The following GRIN2A variants were observed in gnomAD, a reference collection of about 807,000 sequenced individuals.
GRIN2A encodes the protein glutamate ionotropic receptor NMDA type subunit 2A.
A neutral mutation model predicts 113.4 loss-of-function variants in GRIN2A; 22 were observed. That is an observed-to-expected ratio of 0.19 (90% confidence interval 0.14 to 0.28). GRIN2A has a LOEUF of 0.28. Among genes scored for constraint, GRIN2A ranks in the 10% least tolerant of loss-of-function variants. GRIN2A has a pLI of 1.00. For synonymous variants in GRIN2A, 827 were observed against 738.4 expected (o/e 1.12, Z -1.94); for missense variants, 1,502 against 1,887.0 (o/e 0.80, Z 3.78).
At chr16:9,995,239 G>C (rs1161766482) in intron 2 of GRIN2A, among the ~76,000 whole-genome samples, 5 of 152,170 alleles carry the variant, frequency 3.3e-5, no homozygotes, top group Non-Finnish European at 7.3e-5. Context: ...TTTGGAAAAG[G>C]GAAGAGGGAA....
At position 10,074,245 on chromosome 16, in the gene GRIN2A, G is replaced by A. The variant is rs1014178741; in HGVS notation, c.414+105753C>T. 4.6e-5 allele frequency among the ~76,000 whole-genome samples: 7 copies of A among 152,226 alleles called. No homozygotes were observed. The East Asian group carries it at 7.7e-4, about 17-fold the overall frequency. ...AAATAACAAATGTTGACCAGGATGT[G>A]GAGAAATAAGAAACCCCGTACACTG... On this transcript the variant is annotated intron_variant, in intron 2 of 12. Transcript: ENST00000330684.
intron 5 of GRIN2A, among the ~76,000 whole-genome samples, chr16:9,847,387 G>A (rs1005057015): frequency 6.6e-6 from 1 of 151,544 alleles, no homozygotes; most frequent in Admixed American, 6.6e-5. Context: ...CAAGACTCTT[G>A]TCTCTAAAAA....
At chr16:10,095,831 C>G (rs182465631) in intron 2 of GRIN2A, among the ~76,000 whole-genome samples, 1 of 152,114 alleles carries the variant, frequency 6.6e-6, no homozygotes, top group Admixed American at 6.5e-5. Flanking sequence ...TGATACAATG[C>G]ACCAAGAAGG....
At chr16:9,903,050 C>A (rs1455908021) in intron 3 of GRIN2A, among the ~76,000 whole-genome samples, 1 of 150,212 alleles carries the variant, frequency 6.7e-6, no homozygotes, top group Non-Finnish European at 1.5e-5. Flanking sequence ...CTCATTGCAA[C>A]CCCCACCTCC....
At chr16:9,896,392 A>T (rs1355817629) in intron 3 of GRIN2A, among the ~76,000 whole-genome samples, 1 of 152,182 alleles carries the variant, frequency 6.6e-6, no homozygotes, top group Admixed American at 6.5e-5. Context: ...TACGCAGTTG[A>T]GCACCTTTCT....
rs778230379 is a variant in GRIN2A at position 9,763,667 on chromosome 16, C to T, written c.3877G>A (p.Asp1293Asn). 2.5e-6 allele frequency: 4 copies of T among 1,613,644 alleles called. No homozygotes were observed. The South Asian group carries it at 3.3e-5, about 13-fold the overall frequency. Residue 1293 changes from aspartate (D) to asparagine (N), a missense_variant, in exon 13 of 13, where the codon GAT becomes AAT. Asp to Asn is a conservative substitution (Grantham distance 23). Coordinates refer to ENST00000330684, the MANE Select transcript of GRIN2A (RefSeq NM_001134407.3). Reference protein sequence around the residue: ...KLRISRQHSYDNIVDKPRELD... With the variant: ...KLRISRQHSYNNIVDKPRELD... ...TCCCTAGGTTTGTCGACAATGTTATCGTAGGAATGCTGACGGCTAATCCTT... is the reference window on the plus strand; with the variant it reads ...TCCCTAGGTTTGTCGACAATGTTATTGTAGGAATGCTGACGGCTAATCCTT...
At chr16:9,903,436 C>T (rs1019459793) in intron 3 of GRIN2A, among the ~76,000 whole-genome samples, 3 of 152,152 alleles carry the variant, frequency 2.0e-5, no homozygotes, top group Non-Finnish European at 4.4e-5. Context: ...TTGAGCACAG[C>T]ATGTTCACCA....
At chr16:9,925,337 G>A (rs1032462373) in intron 3 of GRIN2A, among the ~76,000 whole-genome samples, 7 of 152,126 alleles carry the variant, frequency 4.6e-5, no homozygotes, top group African/African-American at 1.7e-4. Context: ...CTCACTCCAC[G>A]TGAGTCCTGG....
chr16:10,151,114 C>T (rs760315806), intron 2 of GRIN2A, among the ~76,000 whole-genome samples: 4 of 152,178 alleles, frequency 2.6e-5, no homozygotes, highest in African/African-American at 4.8e-5. Context: ...TCAATGCCCT[C>T]GGGGAATGCT....
At chr16:10,111,942 G>C in intron 2 of GRIN2A, 1 of 736,978 alleles carries the variant, frequency 1.4e-6, no homozygotes. Context: ...AGCTGATGGT[G>C]GCTCCAGCAG....
At chr16:9,979,134 G>A (rs1292908179) in intron 2 of GRIN2A, among the ~76,000 whole-genome samples, 1 of 152,092 alleles carries the variant, frequency 6.6e-6, no homozygotes, top group Non-Finnish European at 1.5e-5. Flanking sequence ...ATTCTAACAG[G>A]TTTATTTTAT....
At chr16:9,806,962 T>C (rs747121726) in intron 10 of GRIN2A, among the ~76,000 whole-genome samples, 2 of 151,532 alleles carry the variant, frequency 1.3e-5, no homozygotes, top group Non-Finnish European at 2.9e-5. Context: ...AAGGTTCTTG[T>C]GGTAGTGAAT....
chr16:10,060,441 C>G (rs2047531876), intron 2 of GRIN2A, among the ~76,000 whole-genome samples: 1 of 152,196 alleles, frequency 6.6e-6, no homozygotes, highest in African/African-American at 2.4e-5. Context: ...ACTTAGGGTT[C>G]CTCCGCTAGC....
intron 2 of GRIN2A, among the ~76,000 whole-genome samples, chr16:9,942,653 A>C (rs1274855172): frequency 6.6e-6 from 1 of 152,162 alleles, no homozygotes; most frequent in Non-Finnish European, 1.5e-5. Context: ...AGGTCCACTG[A>C]CATGCTGGTT....
chr16:10,073,036 A>C (rs972486239), intron 2 of GRIN2A, among the ~76,000 whole-genome samples: 1 of 147,384 alleles, frequency 6.8e-6, no homozygotes, highest in Non-Finnish European at 1.5e-5. Context: ...GCTTACTGCA[A>C]CCTCCTCCTC....
intron 2 of GRIN2A, among the ~76,000 whole-genome samples, chr16:9,988,294 T>C (rs2046025102): frequency 6.6e-6 from 1 of 151,912 alleles, no homozygotes; most frequent in Admixed American, 6.6e-5. Flanking sequence ...CGTGTGTGTG[T>C]GTGTGTGTGT....
At chr16:9,929,829 C>T (rs1241212373) in intron 3 of GRIN2A, among the ~76,000 whole-genome samples, 2 of 152,180 alleles carry the variant, frequency 1.3e-5, no homozygotes, top group Non-Finnish European at 2.9e-5. Flanking sequence ...CTAAGACTTA[C>T]ATCTGGCCTA....
At chr16:9,897,631 T>C (rs1159566206) in intron 3 of GRIN2A, among the ~76,000 whole-genome samples, 2 of 152,216 alleles carry the variant, frequency 1.3e-5, no homozygotes, top group Non-Finnish European at 2.9e-5. Context: ...TTAGGTTGAT[T>C]TCATGTTGGA....
chr16:10,159,506 G>T (rs888828500), intron 2 of GRIN2A, among the ~76,000 whole-genome samples: 2 of 152,102 alleles, frequency 1.3e-5, no homozygotes, highest in African/African-American at 4.8e-5. Flanking sequence ...GAGGGCTCTC[G>T]CCTGTACAGA....
Sources: allele counts gnomAD v4.1 joint callset (sites outside exome capture counted in the v4.1 genomes callset), GRCh38; gene constraint gnomAD v4.1.1; transcripts MANE v1.5; gene names NCBI Gene and HGNC (gene_info 2026-07-23, HGNC 2026-07-21).